Variants in SPTB observed in about 807,000 individuals in gnomAD.
SPTB encodes the protein spectrin beta chain, erythrocytic.
In SPTB, 45 loss-of-function variants were observed where a neutral mutation model predicts 256.2. That is an observed-to-expected ratio of 0.18 (90% CI 0.14 to 0.23). The LOEUF is 0.23. Among genes scored for constraint, SPTB ranks in the 10% least tolerant of loss-of-function variants. The pLI is 1.00. For synonymous variants in SPTB, 1,231 were observed against 1,243.1 expected (o/e 0.99, Z 0.21); for missense variants, 2,715 against 3,040.4 (o/e 0.89, Z 2.52).
chr14:64,790,665 T>A lies in SPTB; in HGVS notation c.2804+1054A>T, dbSNP rs1362140923. Among the ~76,000 whole-genome samples the A allele has an allele frequency of 1.3e-5, 2 of 152,192 alleles. No individual in the cohort carries two copies. Among genetic ancestry groups the A allele is most frequent in the Non-Finnish European group, 2.9e-5 (2 of 68,036 alleles). On this transcript the variant is annotated intron_variant, in intron 15 of 35. Transcript: ENST00000644917. This position sits in a 1 kb window ranked among gnomAD's most constrained non-coding sequence, Gnocchi z 4.8. ...CCTTTCTTTACAATGGAGTCTTCCCTAGGCCCACCTCCCAGATTGCCTCAG... is the reference window on the plus strand; with the variant it reads ...CCTTTCTTTACAATGGAGTCTTCCCAAGGCCCACCTCCCAGATTGCCTCAG...
In SPTB at chr14:64,766,237, G is replaced by A. The variant is rs73273584; in HGVS notation, c.6345+489C>T. On this transcript the variant is annotated intron_variant, in intron 32 of 35. Coordinates refer to ENST00000644917, the MANE Select transcript of SPTB (RefSeq NM_001355436.2). ...GAGGTGTCTGTATATATGGGGGTGT[G>A]TGGTGTGTGTGCATGTGGGTGTGTA... 4.7e-3 allele frequency among the ~76,000 whole-genome samples: 706 copies of A among 150,968 alleles called. 10 individuals are homozygous for A. Among genetic ancestry groups the A allele is most frequent in the African/African-American group, 0.017 (678 of 41,000 alleles).
At chr14:64,837,310 T>G (rs1230494318) in intron 1 of SPTB, among the ~76,000 whole-genome samples, 2 of 152,210 alleles carry the variant, frequency 1.3e-5, no homozygotes, top group African/African-American at 4.8e-5. Flanking sequence ...TACTCACAAG[T>G]AGGTTGACAC....
Position 64,855,846 on chromosome 14 carries a change from C to T in SPTB, c.-52+23946G>A, listed in dbSNP as rs866395183. On this transcript the variant is annotated intron_variant, in intron 1 of 35. Coordinates refer to ENST00000644917, the MANE Select transcript of SPTB (RefSeq NM_001355436.2). ...TGCCTTAGAGGAGCCTCTCTCGAGC[C>T]TCCACCCCTTCCTGTAGGGCTGGAG... Among the ~76,000 whole-genome samples, 3 of 152,346 alleles carry T rather than the reference C, an allele frequency of 2.0e-5. No individual in the cohort carries two copies. The Middle Eastern group carries it at 0.01, about 518-fold the overall frequency.
rs1178692236 is a variant in SPTB, at chr14:64,790,695, A to G, written c.2804+1024T>C. 6.6e-6 allele frequency among the ~76,000 whole-genome samples: 1 copy of G among 152,180 alleles called. No individual in the cohort carries two copies. ...CCACCTCCCAGATTGCCTCAGGCAG[A>G]GCAACGCTCAGGCACAGGTGTGGGG... On this transcript the variant is annotated intron_variant, in intron 15 of 35. Transcript: ENST00000644917. The surrounding 1 kb of genome is among the most constrained non-coding windows in gnomAD (Gnocchi z 4.8).
chr14:64,830,373 ATTAT>A (rs1265992792), intron 1 of SPTB, among the ~76,000 whole-genome samples: 3,654 of 65,950 alleles, frequency 0.055, 180 homozygotes, highest in African/African-American at 0.28. Context: ...TATTATTATT[ATTAT>A]TATTTTATTT....
Position 64,795,229 on chromosome 14 carries a change from A to C in SPTB, c.1644+108T>G. ...CCTCAGTTTCTCTATTTTGACTCAG[A>C]GATATGACTGGCTGGGAGGTGTCTA... On this transcript the variant is annotated intron_variant, in intron 12 of 35. Transcript: ENST00000644917. This position sits in a 1 kb window ranked among gnomAD's most constrained non-coding sequence, Gnocchi z 6.5. 2.3e-6 allele frequency: 3 copies of C among 1,305,708 alleles called. No homozygotes were observed. The highest frequency in any genetic ancestry group is 2.1e-6 in the Non-Finnish European group (2 of 943,352). 80.9% of individuals were successfully genotyped at this position (1,305,708 alleles called of 1,614,324 possible). A position where few individuals can be genotyped will look rare whatever the true frequency, so the allele number is the denominator to read the frequency against.
chr14:64,823,035 A>T lies in SPTB; in HGVS notation c.60T>A (p.Asn20Lys). Residue 20 changes from asparagine (N) to lysine (K), a missense_variant, in exon 2 of 36, where the codon AAT (asparagine) becomes AAA (lysine). Transcript: ENST00000644917. The surrounding 1 kb of genome is among the most constrained non-coding windows in gnomAD (Gnocchi z 6.5). ...CGTCGTCTGGGGCGTCCCAGCGGGC[A>T]TTGATCCTGCTGTAAGGTGGCTGGT... ...VGNQPPYSRINARWDAPDDEL... is the reference protein window; with the variant it reads ...VGNQPPYSRIKARWDAPDDEL... The T allele has an allele frequency of 1.2e-6, 2 of 1,614,140 alleles. No individual in the cohort carries two copies. Among genetic ancestry groups the T allele is most frequent in the Non-Finnish European group, 1.7e-6 (2 of 1,180,026 alleles).
At chr14:64,803,482 G>A in intron 4 of SPTB, 125 bp downstream of exon 4, 2 of 1,194,170 alleles carry the variant, frequency 1.7e-6, no homozygotes, top group South Asian at 2.5e-5. Flanking sequence ...TGTCCCATGT[G>A]GCAGATTTAC....
At chr14:64,843,728 C>T (rs899654105) in intron 1 of SPTB, among the ~76,000 whole-genome samples, 1 of 152,212 alleles carries the variant, frequency 6.6e-6, no homozygotes, top group Non-Finnish European at 1.5e-5. Context: ...TGGGTGTGAA[C>T]AGACGGGAAT....
At position 64,785,474 on chromosome 14, in the gene SPTB, G is replaced by A. The variant is rs375688678; in HGVS notation, c.3855+63C>T. 1,439 of 1,462,652 alleles carry A rather than the reference G, an allele frequency of 9.8e-4. 18 individuals carry two copies. In the South Asian group the frequency reaches 0.012, roughly 13 times the overall value. The allele number at this position is 1,462,652 out of a possible 1,614,324, so 90.6% of individuals were successfully genotyped here. A position where few individuals can be genotyped will look rare whatever the true frequency, so the allele number is the denominator to read the frequency against. ...AGGATCCCTGTGGACTTCCTGCCTT[G>A]AGGGAACTCTGCTTCTAGAAAGGAA... On this transcript the variant is annotated intron_variant, in intron 18 of 35. Coordinates refer to ENST00000644917, the MANE Select transcript of SPTB (RefSeq NM_001355436.2). This position sits in a 1 kb window ranked among gnomAD's most constrained non-coding sequence, Gnocchi z 4.4.
At chr14:64,879,149 G>T (rs1318523813) in intron 1 of SPTB, among the ~76,000 whole-genome samples, 1 of 152,186 alleles carries the variant, frequency 6.6e-6, no homozygotes, top group Non-Finnish European at 1.5e-5. Context: ...GGAACTCTTT[G>T]GGAGAGGAAG....
At chr14:64,773,038 C>T in intron 25 of SPTB, 84 bp from the exon 26 acceptor site, 1 of 1,570,626 alleles carries the variant, frequency 6.4e-7, no homozygotes, top group Non-Finnish European at 8.6e-7. Context: ...CTTTCCCAGG[C>T]AGCAACTGCA....
rs1471311802 is a variant in SPTB at position 64,827,323 on chromosome 14, T to C, written c.-51-4178A>G. On this transcript the variant is annotated intron_variant, in intron 1 of 35. Coordinates refer to ENST00000644917, the MANE Select transcript of SPTB (RefSeq NM_001355436.2). This position sits in a 1 kb window ranked among gnomAD's most constrained non-coding sequence, Gnocchi z 4.6. ...CTTCCGAAGTGGGAAACCGGGGGAATACAGGGCAACGCAGGGCTGAGGAGC... is the reference window on the plus strand; with the variant it reads ...CTTCCGAAGTGGGAAACCGGGGGAACACAGGGCAACGCAGGGCTGAGGAGC... Among the ~76,000 whole-genome samples the C allele has an allele frequency of 6.6e-6, 1 of 152,210 alleles. No homozygotes were observed. The highest frequency in any genetic ancestry group is 1.5e-5 in the Non-Finnish European group (1 of 68,038).
At chr14:64,774,366 C>A in intron 24 of SPTB, 31 bp downstream of exon 24, 1 of 1,576,062 alleles carries the variant, frequency 6.3e-7, no homozygotes, top group South Asian at 1.2e-5. Flanking sequence ...TCCCCATCTC[C>A]TGACCGAGTC....
chr14:64,869,777 G>A (rs984310398), intron 1 of SPTB, among the ~76,000 whole-genome samples: 3 of 139,100 alleles, frequency 2.2e-5, no homozygotes, highest in African/African-American at 7.9e-5. Flanking sequence ...CACGTGCCAC[G>A]ATGCCCTGCT....
At position 64,804,402 on chromosome 14, in the gene SPTB, G is replaced by T. The variant is rs1464282330; in HGVS notation, c.300+537C>A. ...CATTGCCCTCATTTTACACATGGGG[G>T]AAATGGAGGAAAAGAGGGTCCTGCC... On this transcript the variant is annotated intron_variant, in intron 3 of 35. Transcript: ENST00000644917. Among the ~76,000 whole-genome samples the T allele has an allele frequency of 2.0e-5, 3 of 152,344 alleles. No individual in the cohort carries two copies. In the East Asian group the frequency reaches 5.8e-4, roughly 29 times the overall value.
rs1295856701 is a variant in SPTB at position 64,778,780 on chromosome 14, G to T, written c.4563+377C>A. Among the ~76,000 whole-genome samples, 3 of 152,056 alleles carry T rather than the reference G, an allele frequency of 2.0e-5. No homozygotes were observed. The highest frequency in any genetic ancestry group is 4.4e-5 in the Non-Finnish European group (3 of 68,012). ...GGAAGAGGGGCAAGGCAGTGTTGTG[G>T]GAGAGAGATCAGGAGTTACTGCCCT... On this transcript the variant is annotated intron_variant, in intron 22 of 35. Coordinates refer to ENST00000644917, the MANE Select transcript of SPTB (RefSeq NM_001355436.2). The surrounding 1 kb of genome is among the most constrained non-coding windows in gnomAD (Gnocchi z 5.2).
In SPTB at chr14:64,814,754, G is replaced by T. The variant is rs229674; in HGVS notation, c.148+8193C>A. Among the ~76,000 whole-genome samples, 281 of 152,140 alleles carry T rather than the reference G, an allele frequency of 1.8e-3. 3 individuals are homozygous for T. The East Asian group carries it at 0.029, about 16-fold the overall frequency. ...CTGGTCTCGAGCTCCTGGCCTCCCC[G>T]CTCAGCCTCCCAAAGTGCTGGGATT... is the stretch of plus-strand genomic sequence containing the variant. On this transcript the variant is annotated intron_variant, in intron 2 of 35. Transcript: ENST00000644917.
chr14:64,749,223 C>T lies in SPTB; in HGVS notation c.*83G>A, dbSNP rs1477643383. 1.1e-5 allele frequency: 16 copies of T among 1,485,894 alleles called. No individual in the cohort carries two copies. The highest frequency in any genetic ancestry group is 1.9e-4 in the Middle Eastern group (1 of 5,354). 92.0% of individuals were successfully genotyped at this position (1,485,894 alleles called of 1,614,324 possible). A position where few individuals can be genotyped will look rare whatever the true frequency, so the allele number is the denominator to read the frequency against. On this transcript the variant is annotated 3_prime_UTR_variant, in exon 36 of 36. Coordinates refer to ENST00000644917, the MANE Select transcript of SPTB (RefSeq NM_001355436.2). The surrounding 1 kb of genome is among the most constrained non-coding windows in gnomAD (Gnocchi z 4.7). ...ACTCGACTCATCTCGATTCGACCGG[C>T]GGGCGGCGGCGAGAGGAGGCCAAGG...
Sources: gnomAD v4.1 joint callset for allele counts (sites outside exome capture counted in the v4.1 genomes callset) on GRCh38, gnomAD v4.1.1 for gene constraint, Gnocchi (gnomAD v3.1) non-coding constraint, MANE v1.5 for transcripts, NCBI Gene and HGNC (gene_info 2026-07-23, HGNC 2026-07-21) for gene names.